RERE: variants seen among roughly 807,000 people sequenced by gnomAD.
The protein encoded by RERE is arginine-glutamic acid dipeptide repeats protein.
In RERE, 40 loss-of-function variants were observed where a neutral mutation model predicts 146.1. That is an observed-to-expected ratio of 0.27 (90% CI 0.21 to 0.36). The LOEUF (loss-of-function observed/expected upper bound fraction) is 0.36, where lower values mean the gene tolerates loss of function less well. RERE is among the 10% of genes least tolerant of loss of function. The probability of loss-of-function intolerance (pLI) is 1.00; values close to 1 mark genes in which losing one functional copy is unlikely to be tolerated. For synonymous variants in RERE, 1,003 were observed against 866.0 expected, an observed-to-expected ratio of 1.16 and a Z score of -2.78; for missense variants, 1,933 against 2,138.7, an observed-to-expected ratio of 0.90 and a Z score of 1.90.
chr1:8,578,523 C>T (rs555051854), intron 4 of RERE, among the ~76,000 whole-genome samples: 2 of 152,146 alleles, frequency 1.3e-5, no homozygotes, highest in Admixed American at 6.5e-5. Context: ...CAAGTGTCAT[C>T]CACTGTGCCC....
chr1:8,652,772 G>C (rs1187519267), intron 2 of RERE, among the ~76,000 whole-genome samples: 1 of 152,192 alleles, frequency 6.6e-6, no homozygotes, highest in Non-Finnish European at 1.5e-5. Flanking sequence ...TCCCGACCTT[G>C]ACACGTGGGG....
intron 1 of RERE, among the ~76,000 whole-genome samples, chr1:8,807,378 T>G (rs1292414790): frequency 6.6e-6 from 1 of 152,132 alleles, no homozygotes; most frequent in Non-Finnish European, 1.5e-5. Context: ...GAAAAATACT[T>G]TGCAGTTCCG....
chr1:8,472,699 A>C (rs1482598727), intron 10 of RERE, among the ~76,000 whole-genome samples: 1 of 152,224 alleles, frequency 6.6e-6, no homozygotes, highest in Non-Finnish European at 1.5e-5. Flanking sequence ...AGGGACCAAG[A>C]TAAAGCATCT....
rs903212489 is a variant in RERE, at chr1:8,438,211, G to A, written c.1204-15404C>T. ...CACTATGTTGCCCAGGCTTGGTCTTGAACTCTTGATTTCAAGCAATCCTGC... is the reference window on the plus strand; with the variant it reads ...CACTATGTTGCCCAGGCTTGGTCTTAAACTCTTGATTTCAAGCAATCCTGC... On this transcript the variant is annotated intron_variant, in intron 11 of 22. Transcript: ENST00000400908. 4.1e-4 allele frequency among the ~76,000 whole-genome samples: 62 copies of A among 151,922 alleles called. 2 individuals are homozygous for A. The highest frequency in any genetic ancestry group is 2.0e-4 in the Admixed American group (3 of 15,254).
At chr1:8,716,048 G>A (rs945895015) in intron 1 of RERE, among the ~76,000 whole-genome samples, 2 of 151,318 alleles carry the variant, frequency 1.3e-5, no homozygotes, top group East Asian at 2.0e-4. Flanking sequence ...GGGAGACTGA[G>A]GCGGGAGGAT....
At chr1:8,586,642 G>T (rs76618599) in intron 4 of RERE, among the ~76,000 whole-genome samples, 1,688 of 152,276 alleles carry the variant, frequency 0.011, 31 homozygotes, top group African/African-American at 0.039. Context: ...GACTCAGACA[G>T]ACTTCAGCTG....
chr1:8,682,611 C>T (rs1401793723), intron 1 of RERE, among the ~76,000 whole-genome samples: 2 of 152,124 alleles, frequency 1.3e-5, no homozygotes, highest in Non-Finnish European at 2.9e-5. Context: ...GGTAATAAGC[C>T]TTCCAATGTA....
At chr1:8,581,961 G>A (rs1420167736) in intron 4 of RERE, among the ~76,000 whole-genome samples, 1 of 151,802 alleles carries the variant, frequency 6.6e-6, no homozygotes, top group African/African-American at 2.4e-5. Context: ...TATTTAATAT[G>A]TATGCATATA....
chr1:8,391,823 G>A (rs1477566087), intron 12 of RERE, among the ~76,000 whole-genome samples: 5 of 152,102 alleles, frequency 3.3e-5, no homozygotes, highest in African/African-American at 1.2e-4. Flanking sequence ...ATCGCCTGAG[G>A]TCAGGAGTCC....
At position 8,358,205 on chromosome 1, in the gene RERE, G is replaced by A. The variant is rs1449133903; in HGVS notation, c.4330C>T (p.Leu1444Phe). ...ACGCTGGGGCACGCACCTTGGTGGAGGGGGTCCTGCTGGTGGAGGTGGAGG... is the reference window on the plus strand; with the variant it reads ...ACGCTGGGGCACGCACCTTGGTGGAAGGGGTCCTGCTGGTGGAGGTGGAGG... Reference protein sequence around the residue: ...SHLHLHQQDPLHQGSAGPVHP... With the variant: ...SHLHLHQQDPFHQGSAGPVHP... Residue 1444 changes from leucine to phenylalanine, a missense_variant, in exon 20 of 23, where the codon CTC becomes TTC. Leu to Phe is a conservative substitution (Grantham distance 22). Transcript: ENST00000400908. The A allele has an allele frequency of 2.5e-6, 4 of 1,592,222 alleles. No homozygotes were observed. The highest frequency in any genetic ancestry group is 3.4e-6 in the Non-Finnish European group (4 of 1,162,992).
chr1:8,373,566 G>A lies in RERE; in HGVS notation c.1285-7592C>T, dbSNP rs1238523378. Among the ~76,000 whole-genome samples the A allele has an allele frequency of 6.7e-5, 10 of 149,022 alleles. No individual in the cohort carries two copies. In the East Asian group the frequency reaches 8.0e-4, roughly 12 times the overall value. On this transcript the variant is annotated intron_variant, in intron 12 of 22. Transcript: ENST00000400908. ...TGGTGTAGAGCTGCTTCCTAAACCC[G>A]GGCCCAGAGAGTGACCCAGGCCATG...
At chr1:8,769,139 A>G (rs1460128302) in intron 1 of RERE, among the ~76,000 whole-genome samples, 1 of 152,242 alleles carries the variant, frequency 6.6e-6, no homozygotes, top group Non-Finnish European at 1.5e-5. Flanking sequence ...CACATAGTAA[A>G]TCATTGATTT....
At chr1:8,468,573 A>G (rs148414574) in intron 10 of RERE, among the ~76,000 whole-genome samples, 1 of 152,336 alleles carries the variant, frequency 6.6e-6, no homozygotes, top group East Asian at 1.9e-4. Context: ...AGAGGTAATT[A>G]TACTGTATGG....
chr1:8,642,861 T>C (rs1647198109), intron 2 of RERE, among the ~76,000 whole-genome samples: 1 of 152,118 alleles, frequency 6.6e-6, no homozygotes, highest in Non-Finnish European at 1.5e-5. Context: ...ACTCAACTGC[T>C]AAAGGAAGAA....
chr1:8,635,977 C>CTTATCTTATCTTATT lies in RERE; in HGVS notation c.326-11598_326-11597insAATAAGATAAGATAA, dbSNP rs1268893065. 3.5e-3 allele frequency among the ~76,000 whole-genome samples: 476 copies of CTTATCTTATCTTATT among 136,794 alleles called. 4 individuals are homozygous for CTTATCTTATCTTATT. The highest frequency in any genetic ancestry group is 0.013 in the African/African-American group (457 of 35,402). 89.7% of individuals were successfully genotyped at this position (136,794 alleles called of 152,430 possible). On this transcript the variant is annotated intron_variant, in intron 2 of 22. Coordinates refer to ENST00000400908, the MANE Select transcript of RERE (RefSeq NM_001042681.2). Reference sequence around the variant, plus strand: ...CTTATCTTATCTTATCTTATCTTATCTTATTTTATTTTATTTTATTTTATT... The same window carrying CTTATCTTATCTTATT: ...CTTATCTTATCTTATCTTATCTTATCTTATCTTATCTTATTTTATTTTATTTTATTTTATTTTATT...
intron 10 of RERE, among the ~76,000 whole-genome samples, chr1:8,473,718 T>G (rs1053834107): frequency 6.6e-6 from 1 of 152,200 alleles, no homozygotes; most frequent in Non-Finnish European, 1.5e-5. Flanking sequence ...CCCGAACCAG[T>G]TGAGTTGAGG....
intron 1 of RERE, among the ~76,000 whole-genome samples, chr1:8,800,999 C>T (rs1262739733): frequency 1.3e-5 from 2 of 151,872 alleles, no homozygotes; most frequent in Non-Finnish European, 2.9e-5. Context: ...TGGCTCACGC[C>T]TGTAATCCTA....
intron 2 of RERE, among the ~76,000 whole-genome samples, chr1:8,646,996 T>TA (rs1647340528): frequency 6.6e-6 from 1 of 152,188 alleles, no homozygotes; most frequent in Admixed American, 6.5e-5. Flanking sequence ...TGCATGCCTA[T>TA]AGTCCCTGCT....
Position 8,495,008 on chromosome 1 carries a change from C to T in RERE, c.1104+55G>A. Reference sequence around the variant, plus strand: ...GCACTCATCACACATTCCCTACAGCCAGTTCAGGGGAAAAAGAAGTGTCTT... The same window carrying T: ...GCACTCATCACACATTCCCTACAGCTAGTTCAGGGGAAAAAGAAGTGTCTT... On this transcript the variant is annotated intron_variant, in intron 10 of 22. Transcript: ENST00000400908. 4.0e-6 allele frequency: 5 copies of T among 1,252,232 alleles called. No individual in the cohort carries two copies. The South Asian group carries it at 6.0e-5, about 15-fold the overall frequency. 77.6% of individuals were successfully genotyped at this position (1,252,232 alleles called of 1,614,324 possible).
Sources: allele counts gnomAD v4.1 joint callset (sites outside exome capture counted in the v4.1 genomes callset), GRCh38; gene constraint gnomAD v4.1.1; transcripts MANE v1.5; gene names NCBI Gene and HGNC (gene_info 2026-07-23, HGNC 2026-07-21).